The following TCF12 variants were observed in gnomAD, a reference collection of about 807,000 sequenced individuals.
The protein encoded by TCF12 is DNA-binding protein HTF4.
A neutral mutation model predicts 86.0 loss-of-function variants in TCF12; 45 were observed. That is an observed-to-expected ratio of 0.52 (90% confidence interval 0.41 to 0.67). TCF12 has a LOEUF of 0.67. TCF12 is among the 30% of genes least tolerant of loss of function. The pLI, the probability that TCF12 is intolerant of heterozygous loss-of-function variation, is 0.00. For missense variants in TCF12, 881 were observed against 859.9 expected, an observed-to-expected ratio of 1.02 and a Z score of -0.31; for synonymous variants, 330 against 299.6, an observed-to-expected ratio of 1.10 and a Z score of -1.05.
In TCF12 at chr15:57,094,682, A is replaced by T. The variant is rs147611404; in HGVS notation, c.325+2791A>T. Among the ~76,000 whole-genome samples, 179 of 152,318 alleles carry T rather than the reference A, an allele frequency of 1.2e-3. 1 individual carries two copies. The highest frequency in any genetic ancestry group is 4.1e-3 in the African/African-American group (169 of 41,560). On this transcript the variant is annotated intron_variant, in intron 5 of 20. Transcript: ENST00000333725. ...ATAACCAATCATCGCAACAGGTAAC[A>T]GTTGAGAGTGGTGCTGTGCATGATG...
chr15:57,077,857 G>A (rs2070267354), intron 4 of TCF12, among the ~76,000 whole-genome samples: 1 of 151,534 alleles, frequency 6.6e-6, no homozygotes, highest in African/African-American at 2.4e-5. Flanking sequence ...ACAAGATTGT[G>A]AATAATATTT....
chr15:57,278,751 C>G (rs1471363563), intron 19 of TCF12: 2 of 120,422 alleles, frequency 1.7e-5, no homozygotes, highest in African/African-American at 7.5e-5. Flanking sequence ...CTCCCTCCCT[C>G]TCTCTCCCTC....
intron 3 of TCF12, among the ~76,000 whole-genome samples, chr15:56,977,575 G>GGA (rs1169678823): frequency 2.0e-5 from 3 of 147,740 alleles, no homozygotes; most frequent in African/African-American, 5.0e-5. Flanking sequence ...ATGTATGTGT[G>GGA]GAGAGAGAGA....
chr15:56,972,766 C>T (rs2062402543), intron 3 of TCF12, among the ~76,000 whole-genome samples: 1 of 152,028 alleles, frequency 6.6e-6, no homozygotes, highest in South Asian at 2.1e-4. Flanking sequence ...TTAAAAAAAT[C>T]ACAGAGAAGA....
chr15:57,255,654 T>A (rs1193179274), intron 16 of TCF12, among the ~76,000 whole-genome samples: 11 of 152,116 alleles, frequency 7.2e-5, no homozygotes, highest in Non-Finnish European at 1.6e-4. Context: ...CGGCTAATTT[T>A]TCTGTTTTTA....
intron 8 of TCF12, among the ~76,000 whole-genome samples, chr15:57,203,877 G>A (rs1169800484): frequency 6.6e-6 from 1 of 152,086 alleles, no homozygotes; most frequent in African/African-American, 2.4e-5. Context: ...TTAGCCAGGT[G>A]TGATTGGCAC....
intron 3 of TCF12, among the ~76,000 whole-genome samples, chr15:56,930,171 A>G (rs74715458): frequency 0.078 from 11,836 of 152,276 alleles, 540 homozygotes; most frequent in Middle Eastern, 0.15. Flanking sequence ...TTGGTTGGGC[A>G]TGGAAGGTAT....
At chr15:57,044,994 T>G (rs536805484) in intron 3 of TCF12, among the ~76,000 whole-genome samples, 2 of 152,344 alleles carry the variant, frequency 1.3e-5, no homozygotes, top group Non-Finnish European at 2.9e-5. Flanking sequence ...TTTCACTAAA[T>G]GCTTATTGAG....
chr15:57,071,201 G>T (rs557143160), intron 4 of TCF12, among the ~76,000 whole-genome samples: 1 of 151,196 alleles, frequency 6.6e-6, no homozygotes, highest in East Asian at 1.9e-4. Flanking sequence ...GAGCCCAAGA[G>T]TTTGAGACCA....
intron 5 of TCF12, among the ~76,000 whole-genome samples, chr15:57,140,997 G>A (rs1830714231): frequency 6.6e-6 from 1 of 151,930 alleles, no homozygotes; most frequent in Admixed American, 6.6e-5. Flanking sequence ...GGATATCTCT[G>A]GTAGGTCTTT....
chr15:57,017,320 A>C (rs1053024453), intron 3 of TCF12, among the ~76,000 whole-genome samples: 1 of 152,232 alleles, frequency 6.6e-6, no homozygotes, highest in Admixed American at 6.5e-5. Context: ...CCTCTAGCTG[A>C]CTTAAGGAGA....
chr15:56,974,043 G>A (rs1043742094), intron 3 of TCF12, among the ~76,000 whole-genome samples: 5 of 152,092 alleles, frequency 3.3e-5, no homozygotes, highest in Non-Finnish European at 7.4e-5. Flanking sequence ...AAATAAGTGC[G>A]TTCAGTGTTC....
intron 3 of TCF12, among the ~76,000 whole-genome samples, chr15:57,007,276 A>T (rs544031552): frequency 6.6e-6 from 1 of 152,350 alleles, no homozygotes; most frequent in African/African-American, 2.4e-5. Context: ...AAATGTTTTC[A>T]GAAAGGCAAG....
chr15:56,947,211 GA>G (rs1334424193), intron 3 of TCF12, among the ~76,000 whole-genome samples: 10 of 152,180 alleles, frequency 6.6e-5, no homozygotes, highest in African/African-American at 2.4e-4. Flanking sequence ...GCTTCCAGCT[GA>G]AAACATCTCC....
intron 7 of TCF12, among the ~76,000 whole-genome samples, chr15:57,195,795 G>C (rs765242504): frequency 6.6e-6 from 1 of 152,080 alleles, no homozygotes; most frequent in Non-Finnish European, 1.5e-5. Flanking sequence ...TTGAGACCAG[G>C]AGTTCAAAAC....
chr15:57,147,097 T>C (rs868400034), intron 5 of TCF12, among the ~76,000 whole-genome samples: 3 of 152,310 alleles, frequency 2.0e-5, no homozygotes, highest in South Asian at 4.1e-4. Context: ...GTGCCTTGCA[T>C]AAAACATAAG....
intron 18 of TCF12, among the ~76,000 whole-genome samples, chr15:57,265,065 A>ATG (rs1211626520): frequency 1.4e-5 from 2 of 143,284 alleles, no homozygotes; most frequent in South Asian, 2.2e-4. Context: ...TACTCTAATG[A>ATG]TAAATAGTAT....
intron 4 of TCF12, among the ~76,000 whole-genome samples, chr15:57,081,788 C>G (rs190124260): frequency 6.6e-6 from 1 of 152,028 alleles, no homozygotes; most frequent in Non-Finnish European, 1.5e-5. Flanking sequence ...AGGCTGGTCT[C>G]GAACTCCTGA....
At chr15:56,962,268 C>T (rs945390493) in intron 3 of TCF12, among the ~76,000 whole-genome samples, 7 of 151,928 alleles carry the variant, frequency 4.6e-5, no homozygotes, top group Non-Finnish European at 1.0e-4. Flanking sequence ...GGTGTGAAAA[C>T]GATTGAATTT....
Sources: gnomAD v4.1 joint callset for allele counts (sites outside exome capture counted in the v4.1 genomes callset) on GRCh38, gnomAD v4.1.1 for gene constraint, MANE v1.5 for transcripts, NCBI Gene and HGNC (gene_info 2026-07-23, HGNC 2026-07-21) for gene names.